The following EXT1 variants were observed in gnomAD, a reference collection of about 807,000 sequenced individuals.
EXT1 encodes the protein exostosin glycosyltransferase 1.
A neutral mutation model predicts 82.5 loss-of-function variants in EXT1; 20 were observed. The observed-to-expected ratio is 0.24, with a 90% CI of 0.17 to 0.35. The LOEUF is 0.35. Ranked by LOEUF, EXT1 falls within the 10% of genes least tolerant of loss-of-function variation. The probability of loss-of-function intolerance (pLI) is 1.00; values close to 1 mark genes in which losing one functional copy is unlikely to be tolerated. For missense variants in EXT1, 757 were observed against 936.5 expected, an observed-to-expected ratio of 0.81 and a Z score of 2.50; for synonymous variants, 348 against 350.8, an observed-to-expected ratio of 0.99 and a Z score of 0.09.
At chr8:117,963,957 C>T (rs1463244002) in intron 1 of EXT1, among the ~76,000 whole-genome samples, 1 of 152,194 alleles carries the variant, frequency 6.6e-6, no homozygotes, top group East Asian at 1.9e-4. Context: ...CCAACCCTTT[C>T]ATCATGAGGT....
At chr8:117,838,988 T>C (rs1236190666) in intron 1 of EXT1, among the ~76,000 whole-genome samples, 1 of 152,166 alleles carries the variant, frequency 6.6e-6, no homozygotes, top group Non-Finnish European at 1.5e-5. Flanking sequence ...GTAACAAGTT[T>C]CAAAGTTCCT....
chr8:117,945,952 G>T (rs902866485), intron 1 of EXT1, among the ~76,000 whole-genome samples: 4 of 152,172 alleles, frequency 2.6e-5, no homozygotes, highest in African/African-American at 9.7e-5. Context: ...GCCCAGGCTG[G>T]AGTGCAATGG....
At chr8:117,861,229 C>G (rs1463342067) in intron 1 of EXT1, among the ~76,000 whole-genome samples, 1 of 152,232 alleles carries the variant, frequency 6.6e-6, no homozygotes, top group Non-Finnish European at 1.5e-5. Context: ...ACAGGCCCCA[C>G]TGAGCATCCT....
intron 1 of EXT1, among the ~76,000 whole-genome samples, chr8:117,955,740 G>A (rs1170061228): frequency 6.6e-6 from 1 of 152,174 alleles, no homozygotes; most frequent in African/African-American, 2.4e-5. Flanking sequence ...ATTTTTAGTT[G>A]AGAGGAGGTT....
At chr8:117,856,928 C>T (rs914412654) in intron 1 of EXT1, among the ~76,000 whole-genome samples, 5 of 152,076 alleles carry the variant, frequency 3.3e-5, no homozygotes, top group African/African-American at 1.2e-4. Flanking sequence ...GAAGTTGAAG[C>T]CAATGCTCAT....
intron 1 of EXT1, among the ~76,000 whole-genome samples, chr8:118,108,902 T>C (rs372031310): frequency 5.7e-4 from 87 of 152,306 alleles, no homozygotes; most frequent in South Asian, 4.6e-3. Flanking sequence ...CTCTGCCAGT[T>C]CCTCTTGTAC....
intron 9 of EXT1, among the ~76,000 whole-genome samples, chr8:117,806,151 C>T (rs1448851791): frequency 2.0e-5 from 3 of 152,174 alleles, no homozygotes. Flanking sequence ...TCCCAGGATC[C>T]CACCATCTCT....
chr8:118,096,610 AGGAAGGAAGG>A (rs1563654793), intron 1 of EXT1, among the ~76,000 whole-genome samples: 1 of 65,726 alleles, frequency 1.5e-5, no homozygotes. Flanking sequence ...GAAGGAAGGA[AGGAAGGAAGG>A]AGGAAGGAAG....
At chr8:117,816,409 T>G (rs548676623) in intron 7 of EXT1, among the ~76,000 whole-genome samples, 19 of 152,210 alleles carry the variant, frequency 1.2e-4, no homozygotes, top group Non-Finnish European at 2.4e-4. Flanking sequence ...AATGGGCCCA[T>G]GTCATAGCCC....
At chr8:117,906,393 T>G (rs1813544623) in intron 1 of EXT1, among the ~76,000 whole-genome samples, 1 of 152,150 alleles carries the variant, frequency 6.6e-6, no homozygotes, top group South Asian at 2.1e-4. Context: ...TGTGACAGAC[T>G]AAAGTAATAG....
chr8:117,946,211 T>C (rs1814385075), intron 1 of EXT1, among the ~76,000 whole-genome samples: 1 of 152,142 alleles, frequency 6.6e-6, no homozygotes, highest in African/African-American at 2.4e-5. Flanking sequence ...GATTACTGTA[T>C]TATGGATGAG....
In EXT1 at chr8:117,812,478, G is replaced by A. The variant is rs546881302; in HGVS notation, c.1722+394C>T. Among the ~76,000 whole-genome samples, 79 of 152,262 alleles carry A rather than the reference G, an allele frequency of 5.2e-4. 1 individual carries two copies. Among genetic ancestry groups the A allele is most frequent in the African/African-American group, 1.7e-3 (71 of 41,548 alleles). On this transcript the variant is annotated intron_variant, in intron 8 of 10. Transcript: ENST00000378204. ...TCTCCTAACTGAGGCAATAGGATAC[G>A]TGGAGAGGAATGGGATTATCTCCTC... is the stretch of plus-strand genomic sequence containing the variant.
intron 1 of EXT1, among the ~76,000 whole-genome samples, chr8:118,009,995 A>G (rs561479047): frequency 6.6e-6 from 1 of 152,306 alleles, no homozygotes; most frequent in East Asian, 1.9e-4. Context: ...GGTAGGCTAA[A>G]GAGCTAATAA....
chr8:117,926,649 G>A (rs1030662076), intron 1 of EXT1, among the ~76,000 whole-genome samples: 4 of 152,142 alleles, frequency 2.6e-5, no homozygotes, highest in Non-Finnish European at 5.9e-5. Flanking sequence ...AAGGAGAGAG[G>A]GGTCACTGAA....
intron 1 of EXT1, among the ~76,000 whole-genome samples, chr8:118,011,780 C>T (rs549654807): frequency 1.2e-4 from 19 of 152,314 alleles, no homozygotes; most frequent in Non-Finnish European, 2.4e-4. Flanking sequence ...GTCTCCATGA[C>T]AAGCCGTTAG....
rs886062634 is a variant in EXT1 at position 117,799,566 on chromosome 8, C to T, written c.*146G>A. 8 of 892,340 alleles carry T rather than the reference C, an allele frequency of 9.0e-6. No homozygotes were observed. The highest frequency in any genetic ancestry group is 2.6e-5 in the East Asian group (1 of 38,638). 55.3% of individuals were successfully genotyped at this position (892,340 alleles called of 1,614,324 possible). On this transcript the variant is annotated 3_prime_UTR_variant, in exon 11 of 11. Coordinates refer to ENST00000378204, the MANE Select transcript of EXT1 (RefSeq NM_000127.3). ...GAGCCAGGAGTTGAGTTCTCATTGGCCTTTTTTTTTTTGTCATTCTGCTCA... is the reference window on the plus strand; with the variant it reads ...GAGCCAGGAGTTGAGTTCTCATTGGTCTTTTTTTTTTTGTCATTCTGCTCA...
chr8:117,982,003 T>A (rs1815216463), intron 1 of EXT1, among the ~76,000 whole-genome samples: 1 of 152,168 alleles, frequency 6.6e-6, no homozygotes, highest in Non-Finnish European at 1.5e-5. Context: ...TTTGTCAGAA[T>A]GAGATTTCCC....
intron 1 of EXT1, among the ~76,000 whole-genome samples, chr8:118,069,951 A>G (rs1253288850): frequency 6.6e-6 from 1 of 152,218 alleles, no homozygotes; most frequent in Non-Finnish European, 1.5e-5. Context: ...ACTAGTTAAT[A>G]TCCTCACATA....
At chr8:118,092,638 G>A (rs1369819080) in intron 1 of EXT1, among the ~76,000 whole-genome samples, 1 of 152,202 alleles carries the variant, frequency 6.6e-6, no homozygotes, top group Non-Finnish European at 1.5e-5. Flanking sequence ...TACAGGGCAA[G>A]AGAATACCGG....
Sources: allele counts gnomAD v4.1 joint callset (sites outside exome capture counted in the v4.1 genomes callset), GRCh38; gene constraint gnomAD v4.1.1; transcripts MANE v1.5; gene names NCBI Gene and HGNC (gene_info 2026-07-23, HGNC 2026-07-21).